The following GOLGA8B variants were observed in gnomAD, a reference collection of about 807,000 sequenced individuals.
GOLGA8B encodes golgin A8 family member B.
In GOLGA8B, 1 loss-of-function variant was observed where a neutral mutation model predicts 15.6. The ratio of observed to expected loss-of-function variants is 0.06; its 90% CI spans 0.02 to 0.30. The LOEUF is 0.30. GOLGA8B is among the 10% of genes least tolerant of loss of function. The probability of loss-of-function intolerance (pLI) is 1.00; values close to 1 mark genes in which losing one functional copy is unlikely to be tolerated. For synonymous variants in GOLGA8B, 9 were observed against 80.3 expected, an observed-to-expected ratio of 0.11 and a Z score of 4.75; for missense variants, 17 against 201.3, an observed-to-expected ratio of 0.08 and a Z score of 5.54.
At chr15:34,580,987 C>A (rs548986466) in intron 1 of GOLGA8B, among the ~76,000 whole-genome samples, 1 of 152,308 alleles carries the variant, frequency 6.6e-6, no homozygotes, top group African/African-American at 2.4e-5. Flanking sequence ...GGGCCGCCAC[C>A]CAGGCCCAGA....
chr15:34,579,291 G>A (rs1289592795), intron 1 of GOLGA8B, among the ~76,000 whole-genome samples: 1 of 151,954 alleles, frequency 6.6e-6, no homozygotes, highest in African/African-American at 2.4e-5. Flanking sequence ...GAGTCAAGCA[G>A]GAGGAGGCTT....
chr15:34,565,135 C>CTTTTT lies in GOLGA8B; in HGVS notation c.-1122-11184_-1122-11180dup, dbSNP rs71119971. On this transcript the variant is annotated intron_variant, in intron 1 of 23. Transcript: ENST00000683415. ...AGGTCAGCCTCTTAGATCCAGTTCT[C>CTTTTT]TTTTTTTTTTTTTTTTTGAGACGGA... Among the ~76,000 whole-genome samples the CTTTTT allele has an allele frequency of 4.7e-5, 5 of 106,936 alleles. 1 individual carries two copies. Among genetic ancestry groups the CTTTTT allele is most frequent in the African/African-American group, 6.3e-5 (2 of 31,860 alleles). 70.2% of individuals were successfully genotyped at this position (106,936 alleles called of 152,430 possible).
chr15:34,579,053 G>A (rs968214463), intron 1 of GOLGA8B, among the ~76,000 whole-genome samples: 2 of 151,888 alleles, frequency 1.3e-5, no homozygotes, highest in Non-Finnish European at 2.9e-5. Context: ...ATCGCATCTC[G>A]TCTGTGCCTC....
At chr15:34,582,555 G>A (rs1889269179) in intron 1 of GOLGA8B, among the ~76,000 whole-genome samples, 1 of 152,224 alleles carries the variant, frequency 6.6e-6, no homozygotes, top group Non-Finnish European at 1.5e-5. Context: ...TACGTCTGGT[G>A]CCTGCCAGGT....
intron 1 of GOLGA8B, among the ~76,000 whole-genome samples, chr15:34,581,955 G>A (rs1420131297): frequency 6.6e-6 from 1 of 152,184 alleles, no homozygotes. Context: ...CCGGCACACA[G>A]CTGCAAGGTC....
rs1383349753 is a variant in GOLGA8B, at chr15:34,526,671, C to T, written c.*961G>A. ...ATGCCAACCAGCGCCCTTTCGTGTA[C>T]TGGGACAGGTAGTCATGTGATTAAA... On this transcript the variant is annotated 3_prime_UTR_variant, in exon 24 of 24. Coordinates refer to ENST00000683415, the MANE Select transcript of GOLGA8B (RefSeq NM_001023567.5). 1.3e-5 allele frequency: 2 copies of T among 149,452 alleles called. No homozygotes were observed. Among genetic ancestry groups the T allele is most frequent in the African/African-American group, 2.5e-5 (1 of 40,570 alleles). 9.3% of individuals were successfully genotyped at this position (149,452 alleles called of 1,614,324 possible). A position where few individuals can be genotyped will look rare whatever the true frequency, so the allele number is the denominator to read the frequency against.
At chr15:34,556,862 G>C in intron 1 of GOLGA8B, 1 of 737,258 alleles carries the variant, frequency 1.4e-6, no homozygotes, top group Non-Finnish European at 2.2e-6. Context: ...GGGCCCTAGA[G>C]CAAGGGACCT....
At position 34,525,177 on chromosome 15, in the gene GOLGA8B, CAG is replaced by C. The variant is rs1415464508; in HGVS notation, c.*2453_*2454del. ...ATACTACAATTTTGTGAAAATGAAA[CAG>C]ATTATCTCATGCCAAGCATGCCCAG... On this transcript the variant is annotated 3_prime_UTR_variant, in exon 24 of 24. Coordinates refer to ENST00000683415, the MANE Select transcript of GOLGA8B (RefSeq NM_001023567.5). 6.7e-6 allele frequency: 1 copy of C among 149,754 alleles called. No individual in the cohort carries two copies. Among genetic ancestry groups the C allele is most frequent in the Non-Finnish European group, 1.5e-5 (1 of 67,270 alleles). 9.3% of individuals were successfully genotyped at this position (149,754 alleles called of 1,614,324 possible).
intron 1 of GOLGA8B, among the ~76,000 whole-genome samples, chr15:34,578,944 G>C (rs887196169): frequency 6.6e-6 from 1 of 152,128 alleles, no homozygotes; most frequent in African/African-American, 2.4e-5. Flanking sequence ...CTAGGCCGTA[G>C]CTGTAACTCA....
In GOLGA8B at chr15:34,576,931, T is replaced by G. The variant is rs556430797; in HGVS notation, c.-1123+6585A>C. 2.0e-5 allele frequency among the ~76,000 whole-genome samples: 3 copies of G among 152,112 alleles called. No homozygotes were observed. The South Asian group carries it at 6.2e-4, about 32-fold the overall frequency. ...TGACTGCTTTCCTGTAGCAGAACAG[T>G]TGCACACATCTCATCTCCTCCATCC... is the stretch of plus-strand genomic sequence containing the variant. On this transcript the variant is annotated intron_variant, in intron 1 of 23. Transcript: ENST00000683415.
At chr15:34,569,261 C>G (rs539262840) in intron 1 of GOLGA8B, among the ~76,000 whole-genome samples, 1 of 142,894 alleles carries the variant, frequency 7.0e-6, no homozygotes, top group Non-Finnish European at 1.6e-5. Flanking sequence ...ATTTGGGGAC[C>G]GCAACAGAGA....
At chr15:34,554,067 G>C (rs1210205101) in intron 1 of GOLGA8B, 111 bp from the exon 2 acceptor site, 1 of 140,664 alleles carries the variant, frequency 7.1e-6, no homozygotes, top group Admixed American at 7.2e-5. Context: ...CCGTGTCGTT[G>C]TAGGACAGTC....
intron 1 of GOLGA8B, among the ~76,000 whole-genome samples, chr15:34,573,525 A>G (rs1888980698): frequency 7.9e-6 from 1 of 126,310 alleles, no homozygotes; most frequent in Non-Finnish European, 1.6e-5. Context: ...TGATAGAGTG[A>G]GACTCCGTCT....
At chr15:34,557,644 A>ATGTGTGTGTGTGTGTGTGTGTGTG (rs780443805) in intron 1 of GOLGA8B, among the ~76,000 whole-genome samples, 3 of 76,062 alleles carry the variant, frequency 3.9e-5, no homozygotes, top group African/African-American at 8.9e-5. Flanking sequence ...GAATTCATGA[A>ATGTGTGTGTGTGTGTGTGTGTGTG]TGTGTGTGTG....
intron 1 of GOLGA8B, among the ~76,000 whole-genome samples, chr15:34,580,683 A>G (rs961863384): frequency 2.0e-5 from 3 of 151,340 alleles, no homozygotes; most frequent in East Asian, 2.0e-4. Context: ...TGGGCAGCAG[A>G]GGGGTGGGGA....
At chr15:34,566,180 C>A (rs901500281) in intron 1 of GOLGA8B, 3 of 140,694 alleles carry the variant, frequency 2.1e-5, no homozygotes, top group African/African-American at 5.0e-5. Context: ...CTGCCAGGGG[C>A]TGGGGGAGGC....
rs574370822 is a variant in GOLGA8B, at chr15:34,579,007, T to C, written c.-1123+4509A>G. Among the ~76,000 whole-genome samples, 22 of 151,586 alleles carry C rather than the reference T, an allele frequency of 1.5e-4. No individual in the cohort carries two copies. The East Asian group carries it at 3.5e-3, about 24-fold the overall frequency. The stretch of plus-strand genomic sequence containing the variant: ...CAATAAGAGAAGCCACACCATGGAG[T>C]CCTTGCTATCATAAAATATCTCGCA... On this transcript the variant is annotated intron_variant, in intron 1 of 23. Transcript: ENST00000683415.
In GOLGA8B at chr15:34,566,191, G is replaced by A. The variant is rs1385774329; in HGVS notation, c.-1122-12235C>T. On this transcript the variant is annotated intron_variant, in intron 1 of 23. Transcript: ENST00000683415. ...GTGGCTGCCAGGGGCTGGGGGAGGC[G>A]GAAAGGGGAGTTAGTGGACACAGAG... The A allele has an allele frequency of 3.5e-5, 5 of 141,792 alleles. 2 individuals are homozygous for A. The highest frequency in any genetic ancestry group is 7.0e-5 in the Admixed American group (1 of 14,374). The allele number at this position is 141,792 out of a possible 1,614,324, so 8.8% of individuals were successfully genotyped here.
At chr15:34,574,727 G>C (rs1407244019) in intron 1 of GOLGA8B, 1 of 152,474 alleles carries the variant, frequency 6.6e-6, no homozygotes, top group Non-Finnish European at 1.5e-5. Context: ...TAATGAAGCG[G>C]GCATGGGCCT....
Sources: allele counts gnomAD v4.1 joint callset (sites outside exome capture counted in the v4.1 genomes callset), GRCh38; gene constraint gnomAD v4.1.1; transcripts MANE v1.5; gene names NCBI Gene and HGNC (gene_info 2026-07-23, HGNC 2026-07-21).